The following ANKS1B variants were observed in gnomAD, a reference collection of about 807,000 sequenced individuals.
The protein encoded by ANKS1B is ankyrin repeat and sterile alpha motif domain-containing protein 1B.
A neutral mutation model predicts 148.3 loss-of-function variants in ANKS1B; 36 were observed. The ratio of observed to expected loss-of-function variants is 0.24; its 90% CI spans 0.19 to 0.32. The LOEUF is 0.32. Ranked by LOEUF, ANKS1B falls within the 10% of genes least tolerant of loss-of-function variation. The pLI is 1.00. For synonymous variants in ANKS1B, 542 were observed against 560.8 expected (o/e 0.97, Z 0.47); for missense variants, 1,157 against 1,542.6 (o/e 0.75, Z 4.19).
chr12:98,902,863 T>C (rs2099773967), intron 17 of ANKS1B, among the ~76,000 whole-genome samples: 1 of 152,218 alleles, frequency 6.6e-6, no homozygotes, highest in African/African-American at 2.4e-5. Context: ...TTCCAGCTTA[T>C]CAACAGAACT....
At chr12:98,836,429 G>C (rs1009925486) in intron 17 of ANKS1B, among the ~76,000 whole-genome samples, 3 of 152,180 alleles carry the variant, frequency 2.0e-5, no homozygotes, top group Admixed American at 6.5e-5. Flanking sequence ...TGGAGTGGTA[G>C]AGAGGGTGAC....
chr12:99,277,610 G>A (rs546993297), intron 12 of ANKS1B, among the ~76,000 whole-genome samples: 6 of 152,284 alleles, frequency 3.9e-5, no homozygotes, highest in African/African-American at 2.4e-5. Flanking sequence ...TCTGAGGCTC[G>A]CCCAGTTCTA....
chr12:99,838,166 C>T (rs115839696), intron 1 of ANKS1B, among the ~76,000 whole-genome samples: 1 of 152,128 alleles, frequency 6.6e-6, no homozygotes, highest in African/African-American at 2.4e-5. Flanking sequence ...TTTCTTCATC[C>T]AATCATCTGT....
intron 17 of ANKS1B, among the ~76,000 whole-genome samples, chr12:98,883,585 G>A (rs532539419): frequency 6.6e-6 from 1 of 152,294 alleles, no homozygotes; most frequent in South Asian, 2.1e-4. Flanking sequence ...CACTTACAAT[G>A]CAGGGACACA....
chr12:99,670,740 A>G (rs2153467498), intron 8 of ANKS1B, among the ~76,000 whole-genome samples: 1 of 152,288 alleles, frequency 6.6e-6, no homozygotes, highest in African/African-American at 2.4e-5. Flanking sequence ...GAATTCACAG[A>G]GTGTTTGCAT....
intron 9 of ANKS1B, among the ~76,000 whole-genome samples, chr12:99,594,594 T>C (rs573927413): frequency 5.8e-4 from 88 of 152,046 alleles, no homozygotes; most frequent in Non-Finnish European, 1.2e-3. Flanking sequence ...CAGGACATTA[T>C]GCTTAGCAAA....
intron 17 of ANKS1B, among the ~76,000 whole-genome samples, chr12:99,030,156 G>A (rs1046761462): frequency 2.6e-5 from 4 of 152,174 alleles, no homozygotes; most frequent in African/African-American, 7.2e-5. Context: ...CTGGGCACAC[G>A]TCAAAGAGCA....
At chr12:99,510,325 G>T (rs187417316) in intron 9 of ANKS1B, among the ~76,000 whole-genome samples, 2 of 152,080 alleles carry the variant, frequency 1.3e-5, no homozygotes, top group African/African-American at 4.8e-5. Flanking sequence ...ATGAAACTGA[G>T]CAAAGTAAAT....
chr12:98,830,802 G>C (rs896386677), intron 18 of ANKS1B, among the ~76,000 whole-genome samples: 3 of 151,830 alleles, frequency 2.0e-5, no homozygotes, highest in African/African-American at 7.3e-5. Context: ...AGTGACTGCC[G>C]GCCACTTCTT....
chr12:98,829,441 TG>T lies in ANKS1B; in HGVS notation c.2887-89del, dbSNP rs1236283148. 1 of 1,348,550 alleles carries T rather than the reference TG, an allele frequency of 7.4e-7. No homozygotes were observed. The highest frequency in any genetic ancestry group is 2.4e-5 in the Admixed American group (1 of 40,912). The allele number at this position is 1,348,550 out of a possible 1,614,324, so 83.5% of individuals were successfully genotyped here. On this transcript the variant is annotated intron_variant, in intron 18 of 26. Coordinates refer to ENST00000683438, the MANE Select transcript of ANKS1B (RefSeq NM_001352186.2). This position sits in a 1 kb window ranked among gnomAD's most constrained non-coding sequence, Gnocchi z 5.2. ...TGTGAAATACTGACAAGACAAACTGTGGGGGTGGGGAGTCGCTTTTGAAGCA... is the reference window on the plus strand; with the variant it reads ...TGTGAAATACTGACAAGACAAACTGTGGGGTGGGGAGTCGCTTTTGAAGCA...
At chr12:99,581,892 C>T (rs1405367938) in intron 9 of ANKS1B, among the ~76,000 whole-genome samples, 7 of 132,730 alleles carry the variant, frequency 5.3e-5, no homozygotes, top group African/African-American at 1.2e-4. Context: ...AGCGAGACTC[C>T]GTCTCAAAAA....
intron 15 of ANKS1B, among the ~76,000 whole-genome samples, chr12:99,119,776 C>T (rs1463144035): frequency 1.3e-5 from 2 of 152,128 alleles, no homozygotes; most frequent in Non-Finnish European, 2.9e-5. Flanking sequence ...TCAGCAAGTC[C>T]TCACTTAATG....
chr12:99,336,642 G>A (rs541995469), intron 12 of ANKS1B, among the ~76,000 whole-genome samples: 4 of 151,892 alleles, frequency 2.6e-5, no homozygotes, highest in South Asian at 2.1e-4. Flanking sequence ...CCAAATCTAC[G>A]TTCTTAGCAC....
rs192424816 is a variant in ANKS1B at position 99,320,480 on chromosome 12, G to T, written c.1757-73616C>A. On this transcript the variant is annotated intron_variant, in intron 12 of 26. Transcript: ENST00000683438. Reference sequence around the variant, plus strand: ...CTGATACCCTTTCTTCCACTTGATCGAATCGGCTACTGAAGCTTGTGCATG... The same window carrying T: ...CTGATACCCTTTCTTCCACTTGATCTAATCGGCTACTGAAGCTTGTGCATG... Among the ~76,000 whole-genome samples, 636 of 151,974 alleles carry T rather than the reference G, an allele frequency of 4.2e-3. 2 individuals are homozygous for T. Among genetic ancestry groups the T allele is most frequent in the Non-Finnish European group, 6.8e-3 (459 of 67,972 alleles).
At chr12:99,165,135 TACTC>T (rs1209981601) in intron 14 of ANKS1B, among the ~76,000 whole-genome samples, 3 of 151,928 alleles carry the variant, frequency 2.0e-5, no homozygotes, top group African/African-American at 7.2e-5. Flanking sequence ...CAGGCAGAAA[TACTC>T]ACCACTATAC....
chr12:99,930,404 A>T (rs1603464349), intron 1 of ANKS1B, among the ~76,000 whole-genome samples: 1 of 152,206 alleles, frequency 6.6e-6, no homozygotes, highest in East Asian at 1.9e-4. Context: ...TTGGGCTGAG[A>T]CAATGGGGTT....
At chr12:99,277,649 C>T (rs2077852134) in intron 12 of ANKS1B, among the ~76,000 whole-genome samples, 1 of 152,172 alleles carries the variant, frequency 6.6e-6, no homozygotes, top group African/African-American at 2.4e-5. Context: ...CGGTACTGTT[C>T]AGTAGTTTGG....
chr12:99,183,784 G>T lies in ANKS1B; in HGVS notation c.2420-29389C>A, dbSNP rs564952420. Among the ~76,000 whole-genome samples, 9 of 152,196 alleles carry T rather than the reference G, an allele frequency of 5.9e-5. No homozygotes were observed. In the South Asian group the frequency reaches 1.9e-3, roughly 32 times the overall value. ...ATTTTCCTCATGAATCTCCAATAAG[G>T]GTTATACGGCATTGATGTTTCCTGA... On this transcript the variant is annotated intron_variant, in intron 14 of 26. Transcript: ENST00000683438.
intron 12 of ANKS1B, among the ~76,000 whole-genome samples, chr12:99,367,780 G>T (rs2092851837): frequency 2.0e-5 from 3 of 151,024 alleles, no homozygotes; most frequent in Non-Finnish European, 4.4e-5. Context: ...GAGTATGTGT[G>T]TGTGCTTGTG....
Sources: allele counts gnomAD v4.1 joint callset (sites outside exome capture counted in the v4.1 genomes callset), GRCh38; gene constraint gnomAD v4.1.1; non-coding constraint Gnocchi (gnomAD v3.1); transcripts MANE v1.5; gene names NCBI Gene and HGNC (gene_info 2026-07-23, HGNC 2026-07-21).